The following SCN11A variants were observed in gnomAD, a reference collection of about 807,000 sequenced individuals.
SCN11A encodes the protein sodium channel protein type 11 subunit alpha.
Under a neutral mutation model 162.2 loss-of-function variants are expected in SCN11A, and 122 were observed. That is an observed-to-expected ratio of 0.75 (90% CI 0.65 to 0.87). The LOEUF is 0.87. Ranked by LOEUF, SCN11A falls within the 40% of genes least tolerant of loss-of-function variation. The pLI, the probability that SCN11A is intolerant of heterozygous loss-of-function variation, is 0.00. For missense variants in SCN11A, 2,015 were observed against 2,181.6 expected (o/e 0.92, Z 1.52); for synonymous variants, 758 against 751.5 (o/e 1.01, Z -0.14).
rs2031734267 is a variant in SCN11A at position 39,031,002 on chromosome 3, C to G, written c.-280+1378G>C. On this transcript the variant is annotated intron_variant, in intron 2 of 29. Transcript: ENST00000302328. ...GGCCTGGATGGTTCTCTACTGCCCT[C>G]CAGTGGGAAAGCTAGATGGAGGTCA... 2.0e-5 allele frequency among the ~76,000 whole-genome samples: 3 copies of G among 152,110 alleles called. No individual in the cohort carries two copies. In the South Asian group the frequency reaches 6.2e-4, roughly 31 times the overall value.
chr3:38,986,120 TGTTA>T (rs2030231240), intron 2 of SCN11A, among the ~76,000 whole-genome samples: 1 of 150,968 alleles, frequency 6.6e-6, no homozygotes, highest in Admixed American at 6.6e-5. Flanking sequence ...CACAATATCC[TGTTA>T]GTTATACAGA....
intron 23 of SCN11A, among the ~76,000 whole-genome samples, chr3:38,876,166 G>A (rs1196368249): frequency 6.6e-6 from 1 of 152,092 alleles, no homozygotes; most frequent in African/African-American, 2.4e-5. Flanking sequence ...ACAGGTAAGA[G>A]AATGAAACTG....
chr3:38,971,607 C>G (rs1272630578), intron 2 of SCN11A, among the ~76,000 whole-genome samples: 1 of 152,196 alleles, frequency 6.6e-6, no homozygotes, highest in African/African-American at 2.4e-5. Flanking sequence ...ACATTCAGAA[C>G]TGGTTCAAGT....
intron 2 of SCN11A, among the ~76,000 whole-genome samples, chr3:39,002,143 A>G (rs1238531444): frequency 6.6e-6 from 1 of 152,200 alleles, no homozygotes; most frequent in Non-Finnish European, 1.5e-5. Context: ...GTGGACTCTC[A>G]ATTCTATTCC....
At chr3:38,965,847 G>C (rs1254510619) in intron 2 of SCN11A, among the ~76,000 whole-genome samples, 2 of 152,074 alleles carry the variant, frequency 1.3e-5, no homozygotes, top group East Asian at 3.8e-4. Context: ...GGGTATGGTG[G>C]TGCACACCTG....
intron 28 of SCN11A, among the ~76,000 whole-genome samples, chr3:38,856,269 C>T (rs1213134887): frequency 6.6e-6 from 1 of 152,198 alleles, no homozygotes; most frequent in African/African-American, 2.4e-5. Context: ...CACAGGAACA[C>T]AGTATGGAGG....
chr3:38,937,925 G>T (rs2066362868), intron 7 of SCN11A, among the ~76,000 whole-genome samples: 1 of 151,824 alleles, frequency 6.6e-6, no homozygotes, highest in African/African-American at 2.4e-5. Context: ...AAAGACACAT[G>T]CACACGTATG....
intron 19 of SCN11A, 27 bp downstream of exon 19, chr3:38,894,506 T>G (rs533500669): frequency 6.4e-7 from 1 of 1,556,806 alleles, no homozygotes; most frequent in African/African-American, 1.4e-5. Flanking sequence ...TTGTATGACC[T>G]TTAAGTCTAT....
chr3:38,861,644 G>A (rs1406944540), intron 28 of SCN11A, among the ~76,000 whole-genome samples: 1 of 152,038 alleles, frequency 6.6e-6, no homozygotes, highest in Non-Finnish European at 1.5e-5. Context: ...CTGGGGAAAG[G>A]ACACCCTATC....
intron 7 of SCN11A, among the ~76,000 whole-genome samples, chr3:38,944,690 G>C (rs1167766340): frequency 6.6e-6 from 1 of 152,050 alleles, no homozygotes; most frequent in African/African-American, 2.4e-5. Context: ...GCTGCGTGCA[G>C]TGGCTCACGC....
At chr3:38,866,350 C>G (rs545296715) in intron 27 of SCN11A, among the ~76,000 whole-genome samples, 1 of 152,216 alleles carries the variant, frequency 6.6e-6, no homozygotes, top group East Asian at 1.9e-4. Context: ...TCCCAAGTAG[C>G]TGGGATTACA....
chr3:38,877,726 T>C (rs34835152), intron 23 of SCN11A, among the ~76,000 whole-genome samples: 1,864 of 98,170 alleles, frequency 0.019, 161 homozygotes, highest in Non-Finnish European at 0.03. Flanking sequence ...ATATACTATA[T>C]ATATGGTATA....
At chr3:38,950,061 C>G in intron 5 of SCN11A, 35 bp downstream of exon 5, 1 of 83,060 alleles carries the variant, frequency 1.2e-5, no homozygotes, top group Non-Finnish European at 2.3e-5. Flanking sequence ...TAGAACACCC[C>G]CACCCCCACC....
chr3:38,974,203 CAG>C (rs1457271604), intron 2 of SCN11A, among the ~76,000 whole-genome samples: 5 of 152,044 alleles, frequency 3.3e-5, no homozygotes, highest in East Asian at 1.9e-4. Context: ...ATTAAAGAAA[CAG>C]TATTTCTAGA....
rs1440766335 is a variant in SCN11A at position 38,910,072 on chromosome 3, A to C, written c.1095T>G (p.Tyr365Ter). The C allele has an allele frequency of 1.2e-6, 2 of 1,613,740 alleles. No homozygotes were observed. The highest frequency in any genetic ancestry group is 1.7e-6 in the Non-Finnish European group (2 of 1,179,890). Residue 365 changes from tyrosine (Y) to a stop codon, truncating the protein, a stop_gained, in exon 12 of 30, where the codon TAT (tyrosine) becomes TAG (stop). Transcript: ENST00000302328. LOFTEE classifies it high-confidence loss of function. ...GAGACTATAAATAGATAACCTGTTG[A>C]TAAAGCTTCTCCCAGGAATCTTGGG... ...LMTQDSWEKL[Y>*]QQTLRTTGLY...
chr3:38,849,099 A>T (rs1420249158), intron 29 of SCN11A, among the ~76,000 whole-genome samples: 1 of 152,156 alleles, frequency 6.6e-6, no homozygotes, highest in Non-Finnish European at 1.5e-5. Context: ...GCAGTTGTTC[A>T]AAGGACAAAA....
At chr3:38,864,605 T>C (rs1390416809) in intron 27 of SCN11A, among the ~76,000 whole-genome samples, 1 of 152,172 alleles carries the variant, frequency 6.6e-6, no homozygotes, top group East Asian at 1.9e-4. Flanking sequence ...TATATTTCCT[T>C]GTAGTCCTGA....
Position 38,950,299 on chromosome 3 carries a change from C to T in SCN11A, c.64G>A (p.Asp22Asn), listed in dbSNP as rs753397641. The T allele has an allele frequency of 1.2e-6, 2 of 1,613,962 alleles. No individual in the cohort carries two copies. Among genetic ancestry groups the T allele is most frequent in the Non-Finnish European group, 1.7e-6 (2 of 1,179,992 alleles). The change falls in exon 5 of 30, where the codon GAC (aspartate) becomes AAC (asparagine). Residue 22 changes from aspartate (D) to asparagine (N), a missense_variant. Coordinates refer to ENST00000302328, the MANE Select transcript of SCN11A (RefSeq NM_001349253.2). ...DERNFRPFTS[D>N]SLAAIEKRIA... ...CGCTTCTCAATTGCAGCCAGAGAGT[C>T]GGAAGTGAAGGGGCGGAAATTCCGC...
At chr3:39,037,132 A>G (rs2031922029) in intron 1 of SCN11A, among the ~76,000 whole-genome samples, 1 of 152,252 alleles carries the variant, frequency 6.6e-6, no homozygotes, top group Non-Finnish European at 1.5e-5. Flanking sequence ...ACGATAGAGT[A>G]CTATTCAGCT....
Sources: allele counts gnomAD v4.1 joint callset (sites outside exome capture counted in the v4.1 genomes callset), GRCh38; gene constraint gnomAD v4.1.1; transcripts MANE v1.5; gene names NCBI Gene and HGNC (gene_info 2026-07-23, HGNC 2026-07-21).